Variants in NALF1 observed in about 807,000 individuals in gnomAD.
NALF1 encodes NALCN channel auxiliary factor 1, also known as family with sequence similarity 155 member A.
A neutral mutation model predicts 48.4 loss-of-function variants in NALF1; 3 were observed. That is an observed-to-expected ratio of 0.06 (90% CI 0.03 to 0.16). NALF1 has a LOEUF of 0.16. Among genes scored for constraint, NALF1 ranks in the 10% least tolerant of loss-of-function variants. NALF1 has a pLI of 1.00. For synonymous variants in NALF1, 262 were observed against 245.7 expected (o/e 1.07, Z -0.62); for missense variants, 526 against 571.5 (o/e 0.92, Z 0.81).
chr13:107,600,741 G>A (rs1462357281), intron 1 of NALF1, among the ~76,000 whole-genome samples: 1 of 152,156 alleles, frequency 6.6e-6, no homozygotes, highest in Admixed American at 6.5e-5. Context: ...AACAATAAAA[G>A]TAGCTTGAGA....
At chr13:107,758,448 G>A (rs1053144086) in intron 1 of NALF1, among the ~76,000 whole-genome samples, 4 of 152,166 alleles carry the variant, frequency 2.6e-5, no homozygotes, top group African/African-American at 7.2e-5. Flanking sequence ...TAGGCTTGGC[G>A]CAGTGGCTTA....
intron 1 of NALF1, among the ~76,000 whole-genome samples, chr13:107,839,695 CTT>C (rs1483404817): frequency 1.3e-5 from 2 of 148,314 alleles, no homozygotes; most frequent in Non-Finnish European, 3.0e-5. Context: ...AAAAAAAACT[CTT>C]AAGTATTATT....
At chr13:107,729,134 T>C (rs1182450717) in intron 1 of NALF1, among the ~76,000 whole-genome samples, 2 of 152,220 alleles carry the variant, frequency 1.3e-5, no homozygotes, top group African/African-American at 4.8e-5. Flanking sequence ...GCTCCATGTC[T>C]GAATGCATCT....
intron 1 of NALF1, among the ~76,000 whole-genome samples, chr13:107,524,934 C>T (rs962752105): frequency 7.9e-5 from 12 of 151,764 alleles, no homozygotes; most frequent in African/African-American, 2.9e-4. Flanking sequence ...AGCTGAGGAA[C>T]TTGTTCTCAG....
At chr13:107,267,716 T>A (rs1355450633) in intron 1 of NALF1, among the ~76,000 whole-genome samples, 4 of 152,182 alleles carry the variant, frequency 2.6e-5, no homozygotes, top group African/African-American at 9.6e-5. Context: ...AGAACAATTA[T>A]AACAATATGC....
chr13:107,206,432 A>C (rs1879644812), intron 2 of NALF1, among the ~76,000 whole-genome samples: 1 of 152,232 alleles, frequency 6.6e-6, no homozygotes, highest in Non-Finnish European at 1.5e-5. Context: ...GGCTTACTAA[A>C]GGATCATAGG....
rs189763474 is a variant in NALF1 at position 107,380,050 on chromosome 13, T to A, written c.916-169295A>T. ...AAGTTCTACACAAGCCAAGAAGTTT[T>A]CCTTAATGGGCTGATATGGCTCCTT... On this transcript the variant is annotated intron_variant, in intron 1 of 2. Transcript: ENST00000375915. Among the ~76,000 whole-genome samples the A allele has an allele frequency of 3.7e-3, 556 of 152,300 alleles. 3 individuals carry two copies. Among genetic ancestry groups the A allele is most frequent in the African/African-American group, 0.013 (532 of 41,568 alleles).
At chr13:107,417,738 G>A (rs908593894) in intron 1 of NALF1, among the ~76,000 whole-genome samples, 1 of 152,070 alleles carries the variant, frequency 6.6e-6, no homozygotes, top group Non-Finnish European at 1.5e-5. Flanking sequence ...TATGGCCTCT[G>A]GCTCTTTTCC....
At chr13:107,652,999 A>G (rs1479427994) in intron 1 of NALF1, among the ~76,000 whole-genome samples, 1 of 152,154 alleles carries the variant, frequency 6.6e-6, no homozygotes, top group Non-Finnish European at 1.5e-5. Flanking sequence ...TCTGCCAAAA[A>G]TGTTTCAACA....
chr13:107,694,014 T>C (rs894463937), intron 1 of NALF1, among the ~76,000 whole-genome samples: 1 of 152,174 alleles, frequency 6.6e-6, no homozygotes, highest in Non-Finnish European at 1.5e-5. Context: ...CCCTTGATCA[T>C]AACACCTGAC....
chr13:107,336,353 G>A (rs187761835), intron 1 of NALF1, among the ~76,000 whole-genome samples: 6 of 120,594 alleles, frequency 5.0e-5, no homozygotes, highest in African/African-American at 2.1e-4. Flanking sequence ...ACTCTGTCTC[G>A]ATGATGATGA....
At chr13:107,257,628 T>C (rs963529415) in intron 1 of NALF1, among the ~76,000 whole-genome samples, 2 of 152,140 alleles carry the variant, frequency 1.3e-5, no homozygotes, top group African/African-American at 2.4e-5. Flanking sequence ...GGAACTCTCC[T>C]ATCTGTGAAG....
At chr13:107,730,309 T>C (rs558595381) in intron 1 of NALF1, among the ~76,000 whole-genome samples, 1 of 152,322 alleles carries the variant, frequency 6.6e-6, no homozygotes, top group East Asian at 1.9e-4. Context: ...TCAGGCTCAA[T>C]CAATACTCTC....
chr13:107,257,541 A>AC (rs66581460), intron 1 of NALF1, among the ~76,000 whole-genome samples: 151,540 of 151,542 alleles, frequency 1, 75,769 homozygotes, highest in Non-Finnish European at 1. Context: ...TCTAGAAGAA[A>AC]CTCTGGGATA....
intron 1 of NALF1, among the ~76,000 whole-genome samples, chr13:107,321,945 T>G (rs1378700121): frequency 6.6e-6 from 1 of 152,164 alleles, no homozygotes; most frequent in Non-Finnish European, 1.5e-5. Flanking sequence ...CTCTTCTCTA[T>G]TAATGGAGCC....
intron 1 of NALF1, among the ~76,000 whole-genome samples, chr13:107,717,860 C>T (rs1875867544): frequency 6.6e-6 from 1 of 152,154 alleles, no homozygotes; most frequent in Non-Finnish European, 1.5e-5. Flanking sequence ...TATAATGTAT[C>T]TAGATCTGCT....
At chr13:107,490,971 G>A (rs988043460) in intron 1 of NALF1, among the ~76,000 whole-genome samples, 3 of 152,194 alleles carry the variant, frequency 2.0e-5, no homozygotes, top group South Asian at 2.1e-4. Flanking sequence ...AAATTAAGCC[G>A]TGTATCTTCC....
At chr13:107,525,130 T>C (rs1345252185) in intron 1 of NALF1, among the ~76,000 whole-genome samples, 1 of 152,060 alleles carries the variant, frequency 6.6e-6, no homozygotes, top group Non-Finnish European at 1.5e-5. Context: ...CATTTTAAAT[T>C]AACATACAGT....
chr13:107,392,743 C>T (rs762358988), intron 1 of NALF1, among the ~76,000 whole-genome samples: 7 of 152,078 alleles, frequency 4.6e-5, no homozygotes, highest in East Asian at 1.9e-4. Flanking sequence ...GGGGTCTTTC[C>T]GCCCTCTTAC....
Sources: allele counts gnomAD v4.1 joint callset (sites outside exome capture counted in the v4.1 genomes callset), GRCh38; gene constraint gnomAD v4.1.1; transcripts MANE v1.5; gene names NCBI Gene and HGNC (gene_info 2026-07-23, HGNC 2026-07-21).